Variants in TENM4 observed in about 807,000 individuals in gnomAD.
TENM4 encodes teneurin-4.
In TENM4, 82 loss-of-function variants were observed where a neutral mutation model predicts 243.3. That is an observed-to-expected ratio of 0.34 (90% CI 0.28 to 0.40). TENM4 has a LOEUF of 0.40. Ranked by LOEUF, TENM4 falls within the 10% of genes least tolerant of loss-of-function variation. The pLI, the probability that TENM4 is intolerant of heterozygous loss-of-function variation, is 1.00. For missense variants in TENM4, 3,138 were observed against 3,673.3 expected (o/e 0.85, Z 3.77); for synonymous variants, 1,412 against 1,456.3 (o/e 0.97, Z 0.69).
chr11:79,192,771 A>AAT (rs1416111302), intron 3 of TENM4, among the ~76,000 whole-genome samples: 4 of 152,240 alleles, frequency 2.6e-5, no homozygotes, highest in African/African-American at 9.7e-5. Flanking sequence ...TTAAAAAAAA[A>AAT]AATATTTTCA....
intron 1 of TENM4, among the ~76,000 whole-genome samples, chr11:79,371,267 G>A (rs540180273): frequency 2.6e-5 from 4 of 152,306 alleles, no homozygotes; most frequent in South Asian, 2.1e-4. Context: ...AAGTACACAT[G>A]TGCTTTCTGT....
At chr11:78,723,028 C>A in intron 23 of TENM4, 111 bp from the exon 24 acceptor site, 1 of 1,451,760 alleles carries the variant, frequency 6.9e-7, no homozygotes, top group Non-Finnish European at 9.3e-7. Flanking sequence ...CTCCATCAAC[C>A]ATTTCCAGGA....
At chr11:79,065,928 C>T (rs7937426) in intron 5 of TENM4, among the ~76,000 whole-genome samples, 137,527 of 152,246 alleles carry the variant, frequency 0.9, 62,537 homozygotes, top group Middle Eastern at 0.99. Flanking sequence ...TTCTAGTATT[C>T]CCAGGAATGT....
intron 1 of TENM4, among the ~76,000 whole-genome samples, chr11:79,416,417 G>A (rs962923690): frequency 6.6e-6 from 1 of 152,194 alleles, no homozygotes; most frequent in South Asian, 2.1e-4. Flanking sequence ...ATTCGAGTGG[G>A]TTTGAAGTGG....
intron 2 of TENM4, among the ~76,000 whole-genome samples, chr11:79,231,718 C>A (rs1181253674): frequency 6.6e-6 from 1 of 152,230 alleles, no homozygotes; most frequent in East Asian, 1.9e-4. Flanking sequence ...ATTTGATTCA[C>A]CCAGCTCTGA....
rs143484867 is a variant in TENM4, at chr11:79,217,588, T to A, written c.-264-1679A>T. Among the ~76,000 whole-genome samples the A allele has an allele frequency of 3.8e-4, 58 of 152,344 alleles. No individual in the cohort carries two copies. The East Asian group carries it at 0.01, about 27-fold the overall frequency. ...TTTTGTTGTCTTCATCTACATTTAC[T>A]ATGTTTCTTTATGGCAAATTATTTT... is the stretch of plus-strand genomic sequence containing the variant. On this transcript the variant is annotated intron_variant, in intron 2 of 33. Coordinates refer to ENST00000278550, the MANE Select transcript of TENM4 (RefSeq NM_001098816.3).
intron 2 of TENM4, among the ~76,000 whole-genome samples, chr11:79,296,438 T>C (rs963038988): frequency 6.6e-6 from 1 of 152,202 alleles, no homozygotes; most frequent in African/African-American, 2.4e-5. Flanking sequence ...GGTTCTCAGC[T>C]TACTGCGAGC....
chr11:78,943,924 G>A (rs943847602), intron 6 of TENM4, among the ~76,000 whole-genome samples: 5 of 152,210 alleles, frequency 3.3e-5, no homozygotes, highest in African/African-American at 1.2e-4. Context: ...TTGCACAAAG[G>A]TGTGTGTATA....
At chr11:79,269,850 T>C (rs553878637) in intron 2 of TENM4, among the ~76,000 whole-genome samples, 1 of 152,352 alleles carries the variant, frequency 6.6e-6, no homozygotes, top group South Asian at 2.1e-4. Flanking sequence ...ACTGTGGTTT[T>C]ATTTCATCTA....
At chr11:78,708,583 C>A in intron 26 of TENM4, 68 bp from the exon 27 acceptor site, 1 of 1,548,588 alleles carries the variant, frequency 6.5e-7, no homozygotes, top group Non-Finnish European at 8.8e-7. Context: ...ATTCCTGGAG[C>A]CTTGCTAACT....
chr11:78,816,992 G>A (rs570337385), intron 12 of TENM4, among the ~76,000 whole-genome samples: 1 of 152,184 alleles, frequency 6.6e-6, no homozygotes, highest in Non-Finnish European at 1.5e-5. Context: ...GAAGGCAATG[G>A]TGGAGATGAT....
At chr11:79,150,832 A>G (rs1216673713) in intron 3 of TENM4, among the ~76,000 whole-genome samples, 4 of 152,194 alleles carry the variant, frequency 2.6e-5, no homozygotes, top group Non-Finnish European at 5.9e-5. Context: ...TAAAATAATA[A>G]CCATAAACTA....
At chr11:78,791,408 G>A (rs890590571) in intron 15 of TENM4, among the ~76,000 whole-genome samples, 3 of 152,216 alleles carry the variant, frequency 2.0e-5, no homozygotes, top group Non-Finnish European at 4.4e-5. Context: ...TTTACATAAT[G>A]TAAGTGGTCC....
chr11:78,899,903 C>A (rs560751319), intron 7 of TENM4, among the ~76,000 whole-genome samples: 3 of 152,146 alleles, frequency 2.0e-5, no homozygotes, highest in Non-Finnish European at 2.9e-5. Flanking sequence ...CAAATAAATC[C>A]TTTTTCTTTA....
chr11:79,184,957 A>G (rs1218372974), intron 3 of TENM4, among the ~76,000 whole-genome samples: 3 of 152,240 alleles, frequency 2.0e-5, no homozygotes, highest in African/African-American at 4.8e-5. Context: ...TACAGCTTAT[A>G]TCTTATATTC....
intron 7 of TENM4, among the ~76,000 whole-genome samples, chr11:78,893,860 CAGGAAGTGATT>C (rs1565427131): frequency 1.3e-5 from 2 of 150,768 alleles, no homozygotes; most frequent in Non-Finnish European, 2.9e-5. Flanking sequence ...AGCAAGGGGC[CAGGAAGTGATT>C]AGGAAGTGAT....
At chr11:79,324,684 A>G (rs1856945420) in intron 1 of TENM4, among the ~76,000 whole-genome samples, 1 of 152,200 alleles carries the variant, frequency 6.6e-6, no homozygotes, top group South Asian at 2.1e-4. Context: ...AGATGTATAT[A>G]TAGATATATA....
At chr11:78,880,980 G>A (rs951500737) in intron 9 of TENM4, among the ~76,000 whole-genome samples, 2 of 152,214 alleles carry the variant, frequency 1.3e-5, no homozygotes, top group African/African-American at 4.8e-5. Context: ...TTTGACTGTG[G>A]TGGTGGTCAC....
chr11:79,389,312 C>T (rs116722737), intron 1 of TENM4, among the ~76,000 whole-genome samples: 69 of 152,286 alleles, frequency 4.5e-4, no homozygotes, highest in African/African-American at 1.5e-3. Flanking sequence ...TGTGCCACCA[C>T]GCTTGACTAA....
Sources: gnomAD v4.1 joint callset for allele counts (sites outside exome capture counted in the v4.1 genomes callset) on GRCh38, gnomAD v4.1.1 for gene constraint, MANE v1.5 for transcripts, NCBI Gene and HGNC (gene_info 2026-07-23, HGNC 2026-07-21) for gene names.